The following NFXL1 variants were observed in gnomAD, a reference collection of about 807,000 sequenced individuals.
NFXL1 encodes NF-X1-type zinc finger protein NFXL1.
A neutral mutation model predicts 123.3 loss-of-function variants in NFXL1; 66 were observed. That is an observed-to-expected ratio of 0.54 (90% CI 0.44 to 0.66). The LOEUF (loss-of-function observed/expected upper bound fraction) is 0.66, where lower values mean the gene tolerates loss of function less well. Ranked by LOEUF, NFXL1 falls within the 30% of genes least tolerant of loss-of-function variation. The pLI is 0.00. For missense variants in NFXL1, 944 were observed against 1,125.6 expected, an observed-to-expected ratio of 0.84 and a Z score of 2.31; for synonymous variants, 346 against 360.8, an observed-to-expected ratio of 0.96 and a Z score of 0.46.
intron 3 of NFXL1, among the ~76,000 whole-genome samples, chr4:47,906,373 A>G (rs1159104856): frequency 1.3e-5 from 2 of 152,232 alleles, no homozygotes; most frequent in East Asian, 1.9e-4. Flanking sequence ...TTAAGTTGCC[A>G]AAAAGAAAAA....
At chr4:47,856,054 AT>A (rs552378858) in intron 19 of NFXL1, among the ~76,000 whole-genome samples, 5 of 151,928 alleles carry the variant, frequency 3.3e-5, no homozygotes, top group South Asian at 2.1e-4. Context: ...CAAAAAAACA[AT>A]TTTTTTTAGG....
chr4:47,867,596 T>G (rs1735178623), intron 18 of NFXL1, among the ~76,000 whole-genome samples: 1 of 152,060 alleles, frequency 6.6e-6, no homozygotes, highest in Admixed American at 6.6e-5. Context: ...TATCAAAAAT[T>G]ATTAACCCTG....
chr4:47,875,507 T>C lies in NFXL1; in HGVS notation c.2080-214A>G, dbSNP rs114426971. On this transcript the variant is annotated intron_variant, in intron 17 of 22. Transcript: ENST00000507489. Reference sequence around the variant, plus strand: ...TCAATATGACTATTATTCATATAGATTTTTTTGCCTATGAGCCTCATTAAG... The same window carrying C: ...TCAATATGACTATTATTCATATAGACTTTTTTGCCTATGAGCCTCATTAAG... Among the ~76,000 whole-genome samples the C allele has an allele frequency of 1.9e-3, 286 of 152,266 alleles. 1 individual carries two copies. The highest frequency in any genetic ancestry group is 6.4e-3 in the African/African-American group (268 of 41,554).
intron 5 of NFXL1, among the ~76,000 whole-genome samples, chr4:47,901,521 C>A (rs770978024): frequency 3.3e-5 from 5 of 152,048 alleles, no homozygotes; most frequent in Non-Finnish European, 7.4e-5. Flanking sequence ...TAATTCCGTA[C>A]CTATTAGACA....
chr4:47,904,820 C>G (rs939198665), intron 4 of NFXL1, among the ~76,000 whole-genome samples: 1 of 152,208 alleles, frequency 6.6e-6, no homozygotes, highest in Non-Finnish European at 1.5e-5. Context: ...TCCCAAAATG[C>G]CTTTAACACA....
At chr4:47,854,940 CA>C (rs373169214) in intron 20 of NFXL1, 118 bp downstream of exon 20, 44,682 of 197,344 alleles carry the variant, frequency 0.23, 57 homozygotes, top group East Asian at 0.27. Flanking sequence ...AATTAAAAGG[CA>C]AAAAAAAAAA....
intron 2 of NFXL1, 33 bp downstream of exon 2, chr4:47,913,936 C>A: frequency 6.7e-7 from 1 of 1,483,406 alleles, no homozygotes; most frequent in East Asian, 2.5e-5. Flanking sequence ...TAGGAGGCAT[C>A]CAGGTGAGCA....
chr4:47,894,694 C>G (rs995692473), intron 10 of NFXL1, among the ~76,000 whole-genome samples: 1 of 152,064 alleles, frequency 6.6e-6, no homozygotes, highest in African/African-American at 2.4e-5. Flanking sequence ...ACACATACAA[C>G]TTTAAAGTCT....
chr4:47,857,956 A>G (rs531333922), intron 19 of NFXL1, among the ~76,000 whole-genome samples: 31 of 152,216 alleles, frequency 2.0e-4, no homozygotes, highest in African/African-American at 6.5e-4. Flanking sequence ...TTGCTCCCCA[A>G]TGTCTTCCAT....
At chr4:47,885,147 CTAAAAA>C (rs1736349866) in intron 14 of NFXL1, among the ~76,000 whole-genome samples, 1 of 150,200 alleles carries the variant, frequency 6.7e-6, no homozygotes, top group African/African-American at 2.4e-5. Flanking sequence ...AATTAAATAA[CTAAAAA>C]TAAATAAATA....
intron 18 of NFXL1, among the ~76,000 whole-genome samples, chr4:47,871,217 G>C (rs1351535342): frequency 2.0e-5 from 3 of 152,116 alleles, no homozygotes; most frequent in Non-Finnish European, 4.4e-5. Flanking sequence ...GCTGGGCGTG[G>C]TGGCAGGCGC....
At position 47,885,948 on chromosome 4, in the gene NFXL1, T is replaced by G. The variant is rs776500855; in HGVS notation, c.1595A>C (p.Asn532Thr). ...GCCACAGGGCACTGTCACCTTTGTATTGCCACAATTACACTTCACATCTAC... is the reference window on the plus strand; with the variant it reads ...GCCACAGGGCACTGTCACCTTTGTAGTGCCACAATTACACTTCACATCTAC... ...ETVDVKCNCGNTKVTVPCGRE... is the reference protein window; with the variant it reads ...ETVDVKCNCGTTKVTVPCGRE... The change falls in exon 13 of 23, where the codon AAT (asparagine) becomes ACT (threonine). Residue 532 changes from asparagine to threonine, a missense_variant. Asn to Thr is a moderately conservative substitution (Grantham distance 65). Transcript: ENST00000507489. 1 of 1,613,692 alleles carries G rather than the reference T, an allele frequency of 6.2e-7. No individual in the cohort carries two copies. Among genetic ancestry groups the G allele is most frequent in the South Asian group, 1.1e-5 (1 of 91,070 alleles).
chr4:47,874,710 A>AAAT (rs35447221), intron 18 of NFXL1, among the ~76,000 whole-genome samples: 111,269 of 151,684 alleles, frequency 0.73, 41,039 homozygotes, highest in South Asian at 0.76. Context: ...GCAGGTTGAC[A>AAAT]AACTCCAATT....
chr4:47,855,819 T>C (rs759279578), intron 19 of NFXL1, among the ~76,000 whole-genome samples: 2 of 152,176 alleles, frequency 1.3e-5, no homozygotes, highest in Non-Finnish European at 2.9e-5. Flanking sequence ...CCATGATGTT[T>C]ATGCTCCGTG....
rs201262276 is a variant in NFXL1 at position 47,910,828 on chromosome 4, C to T, written c.402G>A (p.Gln134=). 1.4e-4 allele frequency: 221 copies of T among 1,569,214 alleles called. 1 individual carries two copies. Among genetic ancestry groups the T allele is most frequent in the Middle Eastern group, 4.4e-4 (2 of 4,592 alleles). Residue 134 remains glutamine, a synonymous_variant, in exon 3 of 23, where the codon CAG becomes CAA. Transcript: ENST00000507489. ...CAAAATTTAAAAGATCAGTACCTGT[C>T]TGAGTAGTGTATGTTATAAACGTAT... ...LANTFITYTT[Q]TDGDTRELER... is the part of the protein sequence containing the mutation.
chr4:47,852,507 T>G (rs1038409654), intron 20 of NFXL1, among the ~76,000 whole-genome samples: 2 of 152,128 alleles, frequency 1.3e-5, no homozygotes, highest in Non-Finnish European at 2.9e-5. Context: ...ATAGTGCAGC[T>G]CTAGAGAGTT....
rs1737269061 is a variant in NFXL1 at position 47,899,475 on chromosome 4, C to A, written c.721G>T (p.Asp241Tyr). Residue 241 changes from aspartate (D) to tyrosine (Y), a missense_variant, in exon 6 of 23, where the codon GAT becomes TAT. Physicochemically the swap from Asp to Tyr is radical, Grantham distance 160. Coordinates refer to ENST00000507489, the MANE Select transcript of NFXL1 (RefSeq NM_001278624.2). ...ACAAGCCACGGATCTAAAGGTGGAT[C>A]TTCTACTTTTCCACAATAGCAATAG... ...RYYCYCGKVE[D>Y]PPLDPWLVPH... is the part of the protein sequence containing the mutation. 6.2e-7 allele frequency: 1 copy of A among 1,612,808 alleles called. No homozygotes were observed. The highest frequency in any genetic ancestry group is 8.5e-7 in the Non-Finnish European group (1 of 1,178,818).
chr4:47,886,599 G>T (rs1736444112), intron 12 of NFXL1, among the ~76,000 whole-genome samples: 1 of 152,042 alleles, frequency 6.6e-6, no homozygotes, highest in African/African-American at 2.4e-5. Flanking sequence ...CAAACTCCTG[G>T]ACTCAAGCAA....
At chr4:47,901,140 T>C (rs1737340664) in intron 5 of NFXL1, among the ~76,000 whole-genome samples, 1 of 152,236 alleles carries the variant, frequency 6.6e-6, no homozygotes, top group Non-Finnish European at 1.5e-5. Flanking sequence ...AATGTAATTA[T>C]GCTAGATCTT....
Sources: allele counts gnomAD v4.1 joint callset (sites outside exome capture counted in the v4.1 genomes callset), GRCh38; gene constraint gnomAD v4.1.1; transcripts MANE v1.5; gene names NCBI Gene and HGNC (gene_info 2026-07-23, HGNC 2026-07-21).